Variants in NPRL3 observed in about 807,000 individuals in gnomAD.
The protein encoded by NPRL3 is GATOR1 complex protein NPRL3.
In NPRL3, 23 loss-of-function variants were observed where a neutral mutation model predicts 57.2. The observed-to-expected ratio is 0.40, with a 90% CI of 0.29 to 0.57. The LOEUF is 0.57. Ranked by LOEUF, NPRL3 falls within the 20% of genes least tolerant of loss-of-function variation. NPRL3 has a pLI of 0.42. For missense variants in NPRL3, 691 were observed against 767.1 expected (o/e 0.90, Z 1.17); for synonymous variants, 333 against 321.1 (o/e 1.04, Z -0.39).
intron 3 of NPRL3, among the ~76,000 whole-genome samples, chr16:122,647 A>C (rs79737174): frequency 0.014 from 2,058 of 152,374 alleles, 51 homozygotes; most frequent in African/African-American, 0.047. Context: ...AATAACTTGG[A>C]AATTCAAGAA....
rs540247722 is a variant in NPRL3 at position 119,088 on chromosome 16, G to A, written c.318+38C>T. 7.4e-5 allele frequency: 119 copies of A among 1,608,308 alleles called. 1 individual carries two copies. In the South Asian group the frequency reaches 1.1e-3, roughly 15 times the overall value. On this transcript the variant is annotated intron_variant, in intron 4 of 13. Coordinates refer to ENST00000611875, the MANE Select transcript of NPRL3 (RefSeq NM_001077350.3). ...CACCTGCCCAAGGAGAGCCACATCTGCCCAGGGAGAGCCCCACCTGCCCAG... is the reference window on the plus strand; with the variant it reads ...CACCTGCCCAAGGAGAGCCACATCTACCCAGGGAGAGCCCCACCTGCCCAG...
intron 5 of NPRL3, 108 bp downstream of exon 5, chr16:117,193 A>G (rs547876362): frequency 6.1e-5 from 45 of 735,846 alleles, no homozygotes; most frequent in Non-Finnish European, 9.4e-5. Context: ...AGGAGGGGCC[A>G]GCCCGCTGCA....
chr16:100,687 G>A (rs1899244111), intron 7 of NPRL3, among the ~76,000 whole-genome samples, 178 bp from the exon 8 acceptor site: 2 of 134,136 alleles, frequency 1.5e-5, no homozygotes, highest in African/African-American at 2.5e-5. Context: ...GAAAATATGG[G>A]GGCCGGGCAC....
intron 2 of NPRL3, among the ~76,000 whole-genome samples, chr16:132,796 A>G (rs1900874365): frequency 1.3e-5 from 2 of 151,188 alleles, no homozygotes; most frequent in African/African-American, 4.9e-5. Flanking sequence ...CAGCCTCCCA[A>G]GTAGCTGGGA....
chr16:123,689 G>A (rs902224607), intron 3 of NPRL3: 23 of 403,274 alleles, frequency 5.7e-5, no homozygotes, highest in South Asian at 1.3e-4. Flanking sequence ...TGACCATCAC[G>A]ACTAAGCAAC....
rs528398734 is a variant in NPRL3, at chr16:101,041, A to G, written c.630-532T>C. 2.0e-5 allele frequency among the ~76,000 whole-genome samples: 3 copies of G among 150,828 alleles called. No individual in the cohort carries two copies. In the East Asian group the frequency reaches 5.9e-4, roughly 29 times the overall value. On this transcript the variant is annotated intron_variant, in intron 7 of 13. Transcript: ENST00000611875. ...GAAACATATTTCTGGCTAGCCCTGG[A>G]ATCTGTAGTCCAACCAGACTGCCAG...
At position 89,755 on chromosome 16, in the gene NPRL3, G is replaced by A. The variant is rs530150587; in HGVS notation, c.1309C>T (p.Arg437Cys). The change falls in exon 12 of 14, where the codon CGC becomes TGC. Residue 437 changes from arginine (R) to cysteine (C), a missense_variant. Physicochemically the swap from Arg to Cys is radical, Grantham distance 180. Transcript: ENST00000611875. The stretch of plus-strand genomic sequence containing the variant: ...AGGGCGTTGGGCGTGCTGAGGCTGC[G>A]ACCGCCGACCCGGGCAGTGAAGGGG... ...DVPFTARVGG[R>C]SLSTPNALSF... The A allele has an allele frequency of 4.3e-5, 68 of 1,595,904 alleles. No individual in the cohort carries two copies. Among genetic ancestry groups the A allele is most frequent in the Admixed American group, 5.2e-5 (3 of 57,658 alleles).
At position 88,097 on chromosome 16, in the gene NPRL3, C is replaced by G. The variant is rs369691861; in HGVS notation, c.1544+601G>C. On this transcript the variant is annotated intron_variant, in intron 13 of 13. Coordinates refer to ENST00000611875, the MANE Select transcript of NPRL3 (RefSeq NM_001077350.3). ...GGAAACTATGCCCCTGCACTGTCCC[C>G]CAAGTCAGGGTGGGGCTGACAGAGA... Among the ~76,000 whole-genome samples the G allele has an allele frequency of 3.5e-4, 54 of 152,318 alleles. 1 individual carries two copies. The South Asian group carries it at 0.01, about 29-fold the overall frequency.
At chr16:128,542 G>A (rs1026120505) in intron 3 of NPRL3, among the ~76,000 whole-genome samples, 7 of 152,204 alleles carry the variant, frequency 4.6e-5, no homozygotes, top group African/African-American at 1.7e-4. Flanking sequence ...GCCGAGGCTG[G>A]TGGATCACAA....
intron 6 of NPRL3, 125 bp from the exon 7 acceptor site, chr16:110,731 G>A (rs1444798055): frequency 2.9e-6 from 2 of 688,792 alleles, no homozygotes; most frequent in Non-Finnish European, 5.0e-6. Flanking sequence ...TGTATTTTTG[G>A]TAGAGACAGG....
At position 134,705 on chromosome 16, in the gene NPRL3, T is replaced by A. The variant is rs1037305223; in HGVS notation, c.118+3445A>T. Among the ~76,000 whole-genome samples, 255 of 140,990 alleles carry A rather than the reference T, an allele frequency of 1.8e-3. 1 individual carries two copies. Among genetic ancestry groups the A allele is most frequent in the East Asian group, 4.2e-3 (21 of 4,980 alleles). 92.5% of individuals were successfully genotyped at this position (140,990 alleles called of 152,430 possible). On this transcript the variant is annotated intron_variant, in intron 2 of 13. Transcript: ENST00000611875. ...CAGTAATTATTATTATTTTTTTTTT[T>A]TTTTTTTTTTTTTTGAGACGGAGTC...
At chr16:89,368 C>T (rs886987619) in intron 12 of NPRL3, 6 of 313,136 alleles carry the variant, frequency 1.9e-5, no homozygotes, top group Non-Finnish European at 3.5e-5. Context: ...CTGGCCATGA[C>T]GGCTCTTCTG....
At chr16:121,931 C>A (rs1433395293) in intron 3 of NPRL3, among the ~76,000 whole-genome samples, 2 of 151,492 alleles carry the variant, frequency 1.3e-5, no homozygotes, top group Non-Finnish European at 2.9e-5. Context: ...CCCGCCACCA[C>A]GCCCAGCTAA....
At chr16:92,296 T>TAA (rs927161558) in intron 11 of NPRL3, among the ~76,000 whole-genome samples, 2 of 152,156 alleles carry the variant, frequency 1.3e-5, no homozygotes, top group African/African-American at 4.8e-5. Flanking sequence ...CCAGAAAAGG[T>TAA]AAGCACTCTC....
At chr16:113,627 C>T (rs177510) in intron 5 of NPRL3, among the ~76,000 whole-genome samples, 8,390 of 152,230 alleles carry the variant, frequency 0.055, 765 homozygotes, top group African/African-American at 0.19. Context: ...AACCATGACT[C>T]AGTGCTTCTG....
At chr16:104,349 A>G (rs572791324) in intron 7 of NPRL3, among the ~76,000 whole-genome samples, 1 of 152,310 alleles carries the variant, frequency 6.6e-6, no homozygotes, top group East Asian at 1.9e-4. Flanking sequence ...ATCAAATTGT[A>G]TGGAGCATTA....
chr16:97,532 G>A (rs760374946), intron 9 of NPRL3, among the ~76,000 whole-genome samples: 38 of 151,038 alleles, frequency 2.5e-4, no homozygotes, highest in Admixed American at 8.6e-4. Context: ...CCTTGCCTGC[G>A]CTTTTCCTCC....
At chr16:108,670 A>ACTTTTT (rs1205286047) in intron 7 of NPRL3, among the ~76,000 whole-genome samples, 1 of 36,574 alleles carries the variant, frequency 2.7e-5, no homozygotes, top group Non-Finnish European at 5.1e-5. Context: ...TTTGTTTTTT[A>ACTTTTT]ATTTTTATTA....
chr16:100,243 C>T (rs1281544663), intron 8 of NPRL3, 129 bp downstream of exon 8: 10 of 977,506 alleles, frequency 1.0e-5, no homozygotes, highest in Admixed American at 7.6e-5. Context: ...GGCAGAGCCC[C>T]ACCTGCAAGC....
Sources: gnomAD v4.1 joint callset for allele counts (sites outside exome capture counted in the v4.1 genomes callset) on GRCh38, gnomAD v4.1.1 for gene constraint, MANE v1.5 for transcripts, NCBI Gene and HGNC (gene_info 2026-07-23, HGNC 2026-07-21) for gene names.